Variants in AASDHPPT observed in about 807,000 individuals in gnomAD.
The protein encoded by AASDHPPT is L-aminoadipate-semialdehyde dehydrogenase-phosphopantetheinyl transferase.
Under a neutral mutation model 36.4 loss-of-function variants are expected in AASDHPPT, and 23 were observed. The ratio of observed to expected loss-of-function variants is 0.63; its 90% CI spans 0.45 to 0.89. The LOEUF is 0.89. AASDHPPT is among the 40% of genes least tolerant of loss of function. The pLI is 0.00. For missense variants in AASDHPPT, 377 were observed against 378.2 expected (o/e 1.00, Z 0.03); for synonymous variants, 115 against 128.0 (o/e 0.90, Z 0.68).
At position 106,096,813 on chromosome 11, in the gene AASDHPPT, C is replaced by T. The variant is rs1293072326; in HGVS notation, c.836C>T (p.Ser279Leu). Residue 279 changes from serine (S) to leucine (L), a missense_variant, in exon 6 of 6, where the codon TCA (serine) becomes TTA (leucine). Physicochemically the swap from Ser to Leu is moderately radical, Grantham distance 145. Transcript: ENST00000278618. ...ATTCTCAACTTTAATGATTTAATGT[C>T]ATCTGCCGTTCCCATGACACCTGAA... ...FTILNFNDLM[S>L]SAVPMTPEDP... 1.9e-6 allele frequency: 3 copies of T among 1,611,348 alleles called. No homozygotes were observed. Among genetic ancestry groups the T allele is most frequent in the African/African-American group, 2.7e-5 (2 of 74,796 alleles).
At chr11:106,096,319 G>C (rs1235440550) in intron 5 of AASDHPPT, among the ~76,000 whole-genome samples, 2 of 152,146 alleles carry the variant, frequency 1.3e-5, no homozygotes, top group Admixed American at 6.5e-5. Context: ...ATACATCTCT[G>C]TATAGTTATG....
At chr11:106,086,525 C>T (rs1861199260) in intron 2 of AASDHPPT, among the ~76,000 whole-genome samples, 1 of 152,150 alleles carries the variant, frequency 6.6e-6, no homozygotes, top group African/African-American at 2.4e-5. Flanking sequence ...CCCTTCAACC[C>T]AGTAGAGTCC....
chr11:106,096,703 A>G, intron 5 of AASDHPPT, 40 bp from the exon 6 acceptor site: 2 of 1,461,110 alleles, frequency 1.4e-6, no homozygotes, highest in Non-Finnish European at 1.8e-6. Flanking sequence ...TAAGATTAAC[A>G]TGCAATATAA....
intron 5 of AASDHPPT, among the ~76,000 whole-genome samples, chr11:106,096,298 C>T (rs887851853): frequency 2.0e-5 from 3 of 152,016 alleles, no homozygotes; most frequent in African/African-American, 7.2e-5. Flanking sequence ...TAAATAATTT[C>T]CTAAAGAAGT....
At chr11:106,089,410 GA>G (rs1365231025) in intron 2 of AASDHPPT, 1 of 151,916 alleles carries the variant, frequency 6.6e-6, no homozygotes, top group Non-Finnish European at 1.5e-5. Context: ...AGGTTTTCTG[GA>G]AAATAATGTA....
Position 106,079,654 on chromosome 11 carries a change from T to A in AASDHPPT, c.371T>A (p.Leu124Gln). Residue 124 changes from leucine (L) to glutamine (Q), a missense_variant, in exon 2 of 6, where the codon CTG becomes CAG. Physicochemically the swap from Leu to Gln is moderately radical, Grantham distance 113 (BLOSUM62 -2). Coordinates refer to ENST00000278618, the MANE Select transcript of AASDHPPT (RefSeq NM_015423.3). ...GCAGTGCTTGCTGCTGAACCTGAGCTGCAAGTTGGAATTGATATAATGAAG... is the reference window on the plus strand; with the variant it reads ...GCAGTGCTTGCTGCTGAACCTGAGCAGCAAGTTGGAATTGATATAATGAAG... ...DYAVLAAEPE[L>Q]QVGIDIMKTS... The A allele has an allele frequency of 6.2e-7, 1 of 1,614,152 alleles. No homozygotes were observed. The highest frequency in any genetic ancestry group is 8.5e-7 in the Non-Finnish European group (1 of 1,180,010).
At chr11:106,087,978 C>G (rs886571655) in intron 2 of AASDHPPT, among the ~76,000 whole-genome samples, 1 of 152,160 alleles carries the variant, frequency 6.6e-6, no homozygotes, top group South Asian at 2.1e-4. Flanking sequence ...GTAAACTGCA[C>G]TTAATACTTA....
At chr11:106,089,949 G>A (rs556682828) in intron 2 of AASDHPPT, among the ~76,000 whole-genome samples, 63 of 152,088 alleles carry the variant, frequency 4.1e-4, no homozygotes, top group Non-Finnish European at 7.8e-4. Flanking sequence ...CTTTTTATTT[G>A]AATAAGTCAT....
Position 106,097,561 on chromosome 11 carries a change from GTTTTGCCT to G in AASDHPPT, c.*656_*663del, listed in dbSNP as rs1861329124. 6.6e-6 allele frequency: 1 copy of G among 152,100 alleles called. No homozygotes were observed. Among genetic ancestry groups the G allele is most frequent in the South Asian group, 2.1e-4 (1 of 4,830 alleles). The allele number at this position is 152,100 out of a possible 1,614,324, so 9.4% of individuals were successfully genotyped here. A position where few individuals can be genotyped will look rare whatever the true frequency, so the allele number is the denominator to read the frequency against. Reference sequence around the variant, plus strand: ...TTTTTGCCTTGACCTCAGTTGGTTTGTTTTGCCTTAGGCTATTCCACCTCTCGATCACA... The same window carrying G: ...TTTTTGCCTTGACCTCAGTTGGTTTGTAGGCTATTCCACCTCTCGATCACA... On this transcript the variant is annotated 3_prime_UTR_variant, in exon 6 of 6. Transcript: ENST00000278618.
At chr11:106,091,572 C>T (rs575941932) in intron 4 of AASDHPPT, 95 bp downstream of exon 4, 108 of 1,263,150 alleles carry the variant, frequency 8.6e-5, no homozygotes, top group South Asian at 8.0e-4. Flanking sequence ...TGAATTTGGA[C>T]GCAACTGAAT....
chr11:106,082,678 G>A (rs1861156316), intron 2 of AASDHPPT, among the ~76,000 whole-genome samples: 1 of 152,136 alleles, frequency 6.6e-6, no homozygotes, highest in Non-Finnish European at 1.5e-5. Flanking sequence ...AACTGTTGCT[G>A]TGGACGTGCA....
In AASDHPPT at chr11:106,085,358, C is replaced by T. The variant is rs558270900; in HGVS notation, c.410-5199C>T. On this transcript the variant is annotated intron_variant, in intron 2 of 5. Transcript: ENST00000278618. ...CCTCGTGATCTACCCGCCTCGGCCT[C>T]CCAAAGTGCTGGGATTACAGGCGTG... Among the ~76,000 whole-genome samples the T allele has an allele frequency of 6.6e-5, 10 of 152,288 alleles. No homozygotes were observed. The East Asian group carries it at 1.5e-3, about 24-fold the overall frequency.
At chr11:106,093,340 A>G (rs1861275478) in intron 4 of AASDHPPT, 1 of 152,238 alleles carries the variant, frequency 6.6e-6, no homozygotes, top group African/African-American at 2.4e-5. Context: ...AATATTCAAT[A>G]CATATAAGAA....
At chr11:106,090,089 C>G (rs1861240017) in intron 2 of AASDHPPT, among the ~76,000 whole-genome samples, 2 of 151,862 alleles carry the variant, frequency 1.3e-5, no homozygotes, top group South Asian at 2.1e-4. Context: ...GAATTATTCC[C>G]TTTTTTTCTC....
At chr11:106,094,534 T>C in intron 4 of AASDHPPT, 49 bp from the exon 5 acceptor site, 2 of 1,355,446 alleles carry the variant, frequency 1.5e-6, no homozygotes, top group Non-Finnish European at 1.0e-6. Context: ...AAGTTACATC[T>C]AGGTTTACAT....
chr11:106,087,505 C>T (rs1265296591), intron 2 of AASDHPPT, among the ~76,000 whole-genome samples: 3 of 152,090 alleles, frequency 2.0e-5, no homozygotes, highest in Non-Finnish European at 2.9e-5. Flanking sequence ...GCTTAACTCC[C>T]TTCCACTTCC....
chr11:106,079,469 T>A lies in AASDHPPT; in HGVS notation c.186T>A (p.Ala62=). Residue 62 remains alanine, a splice_region_variant and synonymous_variant, in exon 2 of 6, where the codon GCT becomes GCA. Transcript: ENST00000278618. ...CAAATGTTTTATGTACTTAACAGGC[T>A]GGTCGTCTGATGATAAGGAAATTAG... ...VFARDAKAAM[A]GRLMIRKLVA... is the part of the protein sequence containing the mutation. 1 of 1,603,334 alleles carries A rather than the reference T, an allele frequency of 6.2e-7. No homozygotes were observed. The highest frequency in any genetic ancestry group is 8.5e-7 in the Non-Finnish European group (1 of 1,173,508).
chr11:106,094,472 A>G (rs1861291879), intron 4 of AASDHPPT, 111 bp from the exon 5 acceptor site: 5 of 732,110 alleles, frequency 6.8e-6, no homozygotes, highest in Non-Finnish European at 1.1e-5. Flanking sequence ...GAGTGTACGT[A>G]TATGTATATA....
At chr11:106,091,705 C>A in intron 4 of AASDHPPT, 1 of 377,778 alleles carries the variant, frequency 2.6e-6, no homozygotes, top group East Asian at 4.6e-5. Flanking sequence ...GGAAAAGAGG[C>A]TCTGACAAGG....
Sources: allele counts gnomAD v4.1 joint callset (sites outside exome capture counted in the v4.1 genomes callset), GRCh38; gene constraint gnomAD v4.1.1; transcripts MANE v1.5; gene names NCBI Gene and HGNC (gene_info 2026-07-23, HGNC 2026-07-21).